Variants in ZMYM2 observed in about 807,000 individuals in gnomAD.
ZMYM2 encodes zinc finger MYM-type containing 2, also known as zinc finger MYM-type protein 2.
In ZMYM2, 56 loss-of-function variants were observed where a neutral mutation model predicts 162.8. The ratio of observed to expected loss-of-function variants is 0.34; its 90% confidence interval spans 0.28 to 0.43. ZMYM2 has a LOEUF of 0.43. ZMYM2 is among the 20% of genes least tolerant of loss of function. ZMYM2 has a pLI of 1.00. For synonymous variants in ZMYM2, 510 were observed against 541.6 expected, an observed-to-expected ratio of 0.94 and a Z score of 0.81; for missense variants, 1,275 against 1,621.8, an observed-to-expected ratio of 0.79 and a Z score of 3.67.
At chr13:20,052,418 T>C (rs1043154301) in intron 14 of ZMYM2, 107 bp downstream of exon 14, 4 of 1,082,964 alleles carry the variant, frequency 3.7e-6, no homozygotes, top group Non-Finnish European at 5.2e-6. Context: ...TTGGTTTTTT[T>C]TTTGCTTTAC....
At chr13:19,894,829 G>A in the ZMYM2 span, among the ~76,000 whole-genome samples, 3 of 151,772 alleles carry the variant, frequency 2.0e-5, no homozygotes, top group South Asian at 2.1e-4. Flanking sequence ...AGTGGCTCAC[G>A]CCTGTAATCC....
chr13:19,981,792 T>C (rs1594155937), intron 2 of ZMYM2, among the ~76,000 whole-genome samples: 1 of 152,228 alleles, frequency 6.6e-6, no homozygotes, highest in Admixed American at 6.5e-5. Context: ...TTTGTTTTCA[T>C]CATGAAGATA....
chr13:19,921,265 G>A, the ZMYM2 span, among the ~76,000 whole-genome samples: 1 of 152,002 alleles, frequency 6.6e-6, no homozygotes, highest in Non-Finnish European at 1.5e-5. Flanking sequence ...TTGGCCACTG[G>A]AGTAGCTGGG....
intron 2 of ZMYM2, among the ~76,000 whole-genome samples, chr13:19,987,202 A>G (rs551756290): frequency 5.3e-5 from 8 of 152,098 alleles, no homozygotes; most frequent in Non-Finnish European, 1.0e-4. Context: ...TCAGGATTTA[A>G]ATATTCACAG....
chr13:19,983,313 T>A (rs749713163), intron 2 of ZMYM2, among the ~76,000 whole-genome samples: 48 of 152,192 alleles, frequency 3.2e-4, no homozygotes, highest in Middle Eastern at 6.8e-3. Flanking sequence ...GCACGGCTAA[T>A]TTTTGTATTT....
upstream of ZMYM2, among the ~76,000 whole-genome samples, chr13:19,957,546 G>C (rs1954621154): frequency 6.6e-6 from 1 of 152,214 alleles, no homozygotes; most frequent in African/African-American, 2.4e-5. Context: ...TGGCCTGTGG[G>C]GCCCGCCCTC....
the ZMYM2 span, among the ~76,000 whole-genome samples, chr13:19,892,115 AT>A: frequency 6.6e-6 from 1 of 151,014 alleles, no homozygotes. Context: ...TAATTTTTAA[AT>A]TTTTTTTGTA....
At chr13:20,052,916 GAT>G (rs562203301) in intron 14 of ZMYM2, among the ~76,000 whole-genome samples, 91 of 152,334 alleles carry the variant, frequency 6.0e-4, no homozygotes, top group African/African-American at 2.1e-3. Flanking sequence ...GAGATCTGAA[GAT>G]ATATGTTGGT....
At chr13:19,868,842 C>T in the ZMYM2 span, among the ~76,000 whole-genome samples, 1 of 152,136 alleles carries the variant, frequency 6.6e-6, no homozygotes, top group Non-Finnish European at 1.5e-5. Flanking sequence ...CTTCCACCTC[C>T]TGGGTTTCAG....
chr13:19,953,101 C>A, the ZMYM2 span, among the ~76,000 whole-genome samples: 1 of 152,088 alleles, frequency 6.6e-6, no homozygotes, highest in East Asian at 1.9e-4. Flanking sequence ...ATGACAGATG[C>A]CAGCACCTTG....
At chr13:19,872,386 C>T in the ZMYM2 span, among the ~76,000 whole-genome samples, 1 of 151,918 alleles carries the variant, frequency 6.6e-6, no homozygotes, top group Non-Finnish European at 1.5e-5. Flanking sequence ...TCTGTCTCTA[C>T]TGAAAATACA....
intron 12 of ZMYM2, among the ~76,000 whole-genome samples, chr13:20,044,107 G>T (rs939396427): frequency 6.6e-6 from 1 of 152,122 alleles, no homozygotes; most frequent in Non-Finnish European, 1.5e-5. Flanking sequence ...TTGCCCTAGG[G>T]TTAAAGTCTC....
chr13:19,958,246 G>C (rs767405615), upstream of ZMYM2, among the ~76,000 whole-genome samples: 1 of 152,188 alleles, frequency 6.6e-6, no homozygotes, highest in Non-Finnish European at 1.5e-5. Context: ...ACTGGACAGG[G>C]AGGGCGTTGG....
the ZMYM2 span, among the ~76,000 whole-genome samples, chr13:19,937,486 C>T: frequency 2.2e-5 from 3 of 138,430 alleles, no homozygotes; most frequent in Admixed American, 2.3e-4. Flanking sequence ...GAGACAGAGT[C>T]TCAGTCTCGT....
chr13:20,023,111 C>T (rs935377329), intron 7 of ZMYM2, among the ~76,000 whole-genome samples: 2 of 152,096 alleles, frequency 1.3e-5, no homozygotes, highest in African/African-American at 4.8e-5. Context: ...TTATTTTTGA[C>T]AGTCATAGGC....
chr13:19,905,855 C>T, the ZMYM2 span, among the ~76,000 whole-genome samples: 1 of 152,122 alleles, frequency 6.6e-6, no homozygotes, highest in Non-Finnish European at 1.5e-5. Context: ...AAGAATAAAA[C>T]TTGGGCTGGG....
upstream of ZMYM2, among the ~76,000 whole-genome samples, chr13:19,954,145 T>TTTTTTTTTTTTTTTTTTTTTG (rs1337255255): frequency 7.6e-6 from 1 of 131,652 alleles, no homozygotes; most frequent in Non-Finnish European, 1.6e-5. Context: ...TTTTTTTTTT[T>TTTTTTTTTTTTTTTTTTTTTG]TTAGACGGAG....
chr13:19,899,497 A>C, the ZMYM2 span, among the ~76,000 whole-genome samples: 1 of 151,990 alleles, frequency 6.6e-6, no homozygotes, highest in Non-Finnish European at 1.5e-5. Flanking sequence ...ATTAGGATAG[A>C]GATAAACAAA....
chr13:19,969,716 A>G (rs1255122690), intron 2 of ZMYM2, among the ~76,000 whole-genome samples: 1 of 152,130 alleles, frequency 6.6e-6, no homozygotes, highest in Admixed American at 6.5e-5. Context: ...TAAAAAATAA[A>G]AAGCTATTGA....
Sources: gnomAD v4.1 joint callset for allele counts (sites outside exome capture counted in the v4.1 genomes callset) on GRCh38, gnomAD v4.1.1 for gene constraint, MANE v1.5 for transcripts, NCBI Gene and HGNC (gene_info 2026-07-23, HGNC 2026-07-21) for gene names.